The following GPR107 variants were observed in gnomAD, a reference collection of about 807,000 sequenced individuals.
GPR107 encodes the protein protein GPR107.
A neutral mutation model predicts 75.5 loss-of-function variants in GPR107; 31 were observed. The observed-to-expected ratio is 0.41, with a 90% CI of 0.31 to 0.55. The LOEUF is 0.55. GPR107 is among the 20% of genes least tolerant of loss of function. The pLI is 0.26. For synonymous variants in GPR107, 267 were observed against 251.3 expected (o/e 1.06, Z -0.59); for missense variants, 572 against 665.7 (o/e 0.86, Z 1.55).
intron 9 of GPR107, among the ~76,000 whole-genome samples, chr9:130,098,640 C>T (rs1001515803): frequency 2.0e-5 from 3 of 152,116 alleles, no homozygotes; most frequent in African/African-American, 7.2e-5. Flanking sequence ...CAGGTTCATT[C>T]ACAACATTAA....
At chr9:130,130,640 G>A (rs896490002) in intron 17 of GPR107, among the ~76,000 whole-genome samples, 69 of 152,248 alleles carry the variant, frequency 4.5e-4, no homozygotes, top group South Asian at 4.1e-4. Flanking sequence ...AGGAGGCCGA[G>A]GCAGGCAGAT....
intron 3 of GPR107, among the ~76,000 whole-genome samples, chr9:130,076,816 C>T (rs1219665036): frequency 2.0e-5 from 3 of 151,522 alleles, no homozygotes; most frequent in Non-Finnish European, 4.4e-5. Context: ...CTGGCCACAG[C>T]GCCATTTCTT....
chr9:130,062,676 T>A (rs577824308), intron 1 of GPR107, among the ~76,000 whole-genome samples: 3 of 145,582 alleles, frequency 2.1e-5, no homozygotes, highest in African/African-American at 8.1e-5. Flanking sequence ...CTTCCTTCCT[T>A]CCTTCCTTCC....
intron 1 of GPR107, among the ~76,000 whole-genome samples, chr9:130,071,935 G>A (rs550870746): frequency 5.3e-4 from 79 of 148,814 alleles, no homozygotes; most frequent in South Asian, 1.9e-3. Context: ...TCCGTCCGCC[G>A]CGGCCTCCCA....
intron 9 of GPR107, among the ~76,000 whole-genome samples, chr9:130,096,424 AGTAGT>A (rs1830869883): frequency 6.7e-6 from 1 of 149,990 alleles, no homozygotes; most frequent in Non-Finnish European, 1.5e-5. Flanking sequence ...ACTCCTTCCC[AGTAGT>A]GGAGAACTGC....
At chr9:130,065,785 A>C (rs1397471072) in intron 1 of GPR107, among the ~76,000 whole-genome samples, 1 of 151,632 alleles carries the variant, frequency 6.6e-6, no homozygotes, top group African/African-American at 2.4e-5. Flanking sequence ...AAAAAAAAAA[A>C]AAAAGTGATG....
intron 1 of GPR107, among the ~76,000 whole-genome samples, chr9:130,073,507 T>C (rs1277811983): frequency 6.6e-6 from 1 of 152,222 alleles, no homozygotes; most frequent in East Asian, 1.9e-4. Flanking sequence ...ATCTGGCTTT[T>C]CTAATTGTTC....
intron 4 of GPR107, 91 bp downstream of exon 4, chr9:130,077,469 G>A (rs954490165): frequency 2.1e-5 from 16 of 754,536 alleles, no homozygotes; most frequent in Non-Finnish European, 3.9e-5. Flanking sequence ...TGTCTGCCAT[G>A]TGCCAGAGAC....
At chr9:130,123,823 A>G (rs1368718878) in intron 14 of GPR107, among the ~76,000 whole-genome samples, 2 of 152,126 alleles carry the variant, frequency 1.3e-5, no homozygotes, top group African/African-American at 4.8e-5. Context: ...CAAAATAACA[A>G]GACTGCCAGA....
chr9:130,106,320 T>G (rs1335047609), intron 13 of GPR107, among the ~76,000 whole-genome samples: 1 of 151,986 alleles, frequency 6.6e-6, no homozygotes, highest in Admixed American at 6.6e-5. Flanking sequence ...ATTTTTAGGC[T>G]GGGCGCGGTG....
At position 130,126,018 on chromosome 9, in the gene GPR107, C is replaced by G. The variant is rs1020403372; in HGVS notation, c.1356+1054C>G. Among the ~76,000 whole-genome samples, 9 of 149,164 alleles carry G rather than the reference C, an allele frequency of 6.0e-5. No homozygotes were observed. In the East Asian group the frequency reaches 1.6e-3, roughly 27 times the overall value. On this transcript the variant is annotated intron_variant, in intron 15 of 17. Transcript: ENST00000347136. ...TGCAGTAAGCCGAGATAGAGTGCCA[C>G]TGCACTCCAGCCTGGGCGACAGAGC...
intron 1 of GPR107, among the ~76,000 whole-genome samples, chr9:130,060,013 T>TA (rs1336014625): frequency 2.6e-5 from 4 of 151,942 alleles, no homozygotes; most frequent in Admixed American, 6.6e-5. Flanking sequence ...GTGATAGGAT[T>TA]ACAGGCATGA....
chr9:130,080,540 G>A (rs1422781619), intron 5 of GPR107, among the ~76,000 whole-genome samples: 1 of 151,674 alleles, frequency 6.6e-6, no homozygotes, highest in African/African-American at 2.4e-5. Flanking sequence ...CGCCCAGGCT[G>A]GAGTACAGTG....
intron 14 of GPR107, chr9:130,110,487 C>G: frequency 1.2e-6 from 1 of 826,202 alleles, no homozygotes; most frequent in Non-Finnish European, 2.1e-6. Flanking sequence ...GCACCCATTT[C>G]TCATCAGCAA....
chr9:130,107,319 G>A (rs1831183346), intron 13 of GPR107, among the ~76,000 whole-genome samples, 177 bp from the exon 14 acceptor site: 1 of 152,258 alleles, frequency 6.6e-6, no homozygotes, highest in Non-Finnish European at 1.5e-5. Flanking sequence ...TACCTCAGAC[G>A]TGTTGATATC....
At chr9:130,110,766 C>G (rs909201929) in intron 14 of GPR107, among the ~76,000 whole-genome samples, 2 of 149,280 alleles carry the variant, frequency 1.3e-5, no homozygotes, top group Admixed American at 6.7e-5. Flanking sequence ...GTGAAGCTTG[C>G]GGGAAAGCGG....
At chr9:130,131,798 C>G (rs1195811820) in intron 17 of GPR107, among the ~76,000 whole-genome samples, 1 of 152,268 alleles carries the variant, frequency 6.6e-6, no homozygotes, top group Non-Finnish European at 1.5e-5. Context: ...CCTCTCACCC[C>G]CAGCCCCACC....
chr9:130,123,332 T>C lies in GPR107; in HGVS notation c.1307-1583T>C, dbSNP rs1043991471. 6.6e-5 allele frequency among the ~76,000 whole-genome samples: 10 copies of C among 151,978 alleles called. No individual in the cohort carries two copies. In the East Asian group the frequency reaches 1.9e-3, roughly 30 times the overall value. ...CAATTCTCCGTCTCAGCCTCCCAAA[T>C]AGCTGGGATTACAGGCGCCCACCAC... On this transcript the variant is annotated intron_variant, in intron 14 of 17. Coordinates refer to ENST00000347136, the MANE Select transcript of GPR107 (RefSeq NM_020960.5).
intron 7 of GPR107, among the ~76,000 whole-genome samples, chr9:130,089,587 T>A (rs567517582): frequency 6.6e-6 from 1 of 152,304 alleles, no homozygotes; most frequent in African/African-American, 2.4e-5. Context: ...TGTTTTTTTC[T>A]CTAAGGGTCA....
Sources: allele counts gnomAD v4.1 joint callset (sites outside exome capture counted in the v4.1 genomes callset), GRCh38; gene constraint gnomAD v4.1.1; transcripts MANE v1.5; gene names NCBI Gene and HGNC (gene_info 2026-07-23, HGNC 2026-07-21).